Variants in TCF7L2 observed in about 807,000 individuals in gnomAD.
TCF7L2 encodes transcription factor 7-like 2.
Under a neutral mutation model 77.9 loss-of-function variants are expected in TCF7L2, and 23 were observed. The ratio of observed to expected loss-of-function variants is 0.30; its 90% CI spans 0.21 to 0.42. The LOEUF (loss-of-function observed/expected upper bound fraction) is 0.42. Ranked by LOEUF, TCF7L2 falls within the 10% of genes least tolerant of loss-of-function variation. The pLI is 1.00. For synonymous variants in TCF7L2, 413 were observed against 340.2 expected, an observed-to-expected ratio of 1.21 and a Z score of -2.36; for missense variants, 654 against 793.1, an observed-to-expected ratio of 0.82 and a Z score of 2.11.
chr10:113,031,629 A>G (rs10885408), intron 4 of TCF7L2, among the ~76,000 whole-genome samples: 80,942 of 151,842 alleles, frequency 0.53, 24,326 homozygotes, highest in African/African-American at 0.81. Flanking sequence ...CTGGCATAAC[A>G]GGCGCCTGCC....
intron 5 of TCF7L2, among the ~76,000 whole-genome samples, chr10:113,074,542 C>G (rs146533128): frequency 4.6e-5 from 7 of 152,230 alleles, no homozygotes; most frequent in African/African-American, 1.7e-4. Flanking sequence ...TCGGACTGTG[C>G]GGGACCTTGG....
intron 5 of TCF7L2, among the ~76,000 whole-genome samples, chr10:113,102,427 GTT>G (rs759557227): frequency 2.8e-5 from 4 of 141,484 alleles, no homozygotes; most frequent in Non-Finnish European, 4.7e-5. Flanking sequence ...TTGTTTGTTT[GTT>G]TTTTTTTTTT....
In TCF7L2 at chr10:113,039,998, C is replaced by A. The variant is rs1166870763; in HGVS notation, c.451-27C>A. 12 of 1,599,588 alleles carry A rather than the reference C, an allele frequency of 7.5e-6. No individual in the cohort carries two copies. The East Asian group carries it at 1.3e-4, about 18-fold the overall frequency. ...TTTACTTTCTGAATTCATTGTTTTTCATTTCACTTTTGTTTCCTCTCGCCA... is the reference window on the plus strand; with the variant it reads ...TTTACTTTCTGAATTCATTGTTTTTAATTTCACTTTTGTTTCCTCTCGCCA... On this transcript the variant is annotated intron_variant, in intron 4 of 13. Coordinates refer to ENST00000627217, the MANE Select transcript of TCF7L2 (RefSeq NM_001146274.2).
chr10:113,050,031 G>A (rs1236699547), intron 5 of TCF7L2, among the ~76,000 whole-genome samples: 1 of 152,190 alleles, frequency 6.6e-6, no homozygotes, highest in South Asian at 2.1e-4. Context: ...CATGCCATCT[G>A]TCCAGTTGCA....
chr10:113,048,476 T>A (rs2053838528), intron 5 of TCF7L2, among the ~76,000 whole-genome samples: 1 of 152,196 alleles, frequency 6.6e-6, no homozygotes, highest in South Asian at 2.1e-4. Context: ...GGACTGGAGT[T>A]GATTTCGTTT....
intron 5 of TCF7L2, among the ~76,000 whole-genome samples, chr10:113,099,469 C>A (rs532671192): frequency 1.4e-4 from 22 of 152,210 alleles, no homozygotes; most frequent in Non-Finnish European, 2.9e-4. Flanking sequence ...GCCCTCAGTG[C>A]ATCCCCACCC....
chr10:113,146,910 AC>A (rs200305515), intron 8 of TCF7L2, among the ~76,000 whole-genome samples: 3,234 of 152,166 alleles, frequency 0.021, 110 homozygotes, highest in African/African-American at 0.073. Context: ...TTAAAAAAAA[AC>A]ATGTGTGTGT....
At chr10:113,157,942 TCTC>T in intron 11 of TCF7L2, 76 bp from the exon 12 acceptor site, 5 of 1,463,780 alleles carry the variant, frequency 3.4e-6, no homozygotes, top group Non-Finnish European at 4.7e-6. Context: ...CCTCCTGCCT[TCTC>T]CTTCCAGGTG....
chr10:113,145,119 T>G (rs1282639935), intron 7 of TCF7L2, among the ~76,000 whole-genome samples: 1 of 151,984 alleles, frequency 6.6e-6, no homozygotes, highest in Non-Finnish European at 1.5e-5. Flanking sequence ...ATGCTGTTTT[T>G]TTTTTTTTTA....
chr10:112,986,005 G>C (rs2041459555), intron 4 of TCF7L2, among the ~76,000 whole-genome samples: 1 of 152,080 alleles, frequency 6.6e-6, no homozygotes, highest in South Asian at 2.1e-4. Flanking sequence ...GGGACAGTGT[G>C]ATCTTCAAAG....
intron 5 of TCF7L2, among the ~76,000 whole-genome samples, chr10:113,132,403 AT>A (rs1408136567): frequency 6.6e-6 from 1 of 152,212 alleles, no homozygotes; most frequent in East Asian, 1.9e-4. Flanking sequence ...TTGGTGTCAG[AT>A]TTTGTTCACT....
chr10:113,159,154 T>A (rs1435485068), intron 12 of TCF7L2, among the ~76,000 whole-genome samples: 1 of 146,386 alleles, frequency 6.8e-6, no homozygotes, highest in Non-Finnish European at 1.5e-5. Context: ...TGCTTTTTTT[T>A]ATTTTAGTTT....
At position 113,068,899 on chromosome 10, in the gene TCF7L2, C is replaced by CT. The variant is rs35683038; in HGVS notation, c.552+28786dup. Among the ~76,000 whole-genome samples the CT allele has an allele frequency of 9.1e-3, 1,326 of 145,812 alleles. 21 individuals carry two copies. Among genetic ancestry groups the CT allele is most frequent in the African/African-American group, 0.029 (1,162 of 39,872 alleles). The stretch of plus-strand genomic sequence containing the variant: ...ATCCCTTTACCGTTGGCTCCCAATT[C>CT]TTTTTTTTTTTTTAATTTCCCAATT... On this transcript the variant is annotated intron_variant, in intron 5 of 13. Coordinates refer to ENST00000627217, the MANE Select transcript of TCF7L2 (RefSeq NM_001146274.2).
intron 5 of TCF7L2, among the ~76,000 whole-genome samples, chr10:113,091,781 A>G (rs2060433787): frequency 6.6e-6 from 1 of 152,126 alleles, no homozygotes; most frequent in South Asian, 2.1e-4. Context: ...CTGATCTTGC[A>G]TGTTCTTGGG....
chr10:113,116,698 A>AG (rs1288748668), intron 5 of TCF7L2, among the ~76,000 whole-genome samples: 1 of 151,188 alleles, frequency 6.6e-6, no homozygotes, highest in Non-Finnish European at 1.5e-5. Flanking sequence ...TTTTTTAAAA[A>AG]GGGTTAAATA....
At chr10:113,077,694 C>T (rs202170391) in intron 5 of TCF7L2, among the ~76,000 whole-genome samples, 1 of 123,658 alleles carries the variant, frequency 8.1e-6, no homozygotes, top group Non-Finnish European at 1.7e-5. Flanking sequence ...TCTTTCTTTT[C>T]TTTTCTTCTT....
chr10:113,133,833 T>C (rs1244370048), intron 5 of TCF7L2, among the ~76,000 whole-genome samples: 2 of 152,084 alleles, frequency 1.3e-5, no homozygotes, highest in East Asian at 3.9e-4. Flanking sequence ...TAATTTACAA[T>C]ACAAATAAGC....
Position 113,081,288 on chromosome 10 carries a change from T to C in TCF7L2, c.552+41162T>C, listed in dbSNP as rs150086137. Among the ~76,000 whole-genome samples, 49 of 152,352 alleles carry C rather than the reference T, an allele frequency of 3.2e-4. 1 individual carries two copies. Among genetic ancestry groups the C allele is most frequent in the Admixed American group, 2.9e-3 (45 of 15,312 alleles). ...CCCCGTGATTCTGCCCAGTAATGTT[T>C]ACAGCACACAACACGCACCAATACT... On this transcript the variant is annotated intron_variant, in intron 5 of 13. Coordinates refer to ENST00000627217, the MANE Select transcript of TCF7L2 (RefSeq NM_001146274.2).
At chr10:113,024,229 C>T (rs958370895) in intron 4 of TCF7L2, among the ~76,000 whole-genome samples, 7 of 152,010 alleles carry the variant, frequency 4.6e-5, no homozygotes, top group Non-Finnish European at 7.4e-5. Context: ...ACCTGGGAGG[C>T]GGAGATTGCA....
Sources: allele counts gnomAD v4.1 joint callset (sites outside exome capture counted in the v4.1 genomes callset), GRCh38; gene constraint gnomAD v4.1.1; transcripts MANE v1.5; gene names NCBI Gene and HGNC (gene_info 2026-07-23, HGNC 2026-07-21).